MEI4: variants seen among roughly 807,000 people sequenced by gnomAD.
MEI4 encodes meiotic double-stranded break formation protein 4.
A neutral mutation model predicts 31.4 loss-of-function variants in MEI4; 27 were observed. The observed-to-expected ratio is 0.86, with a 90% CI of 0.63 to 1.19. MEI4 has a LOEUF of 1.19. Ranked by LOEUF, MEI4 falls within the 50% of genes most tolerant of loss-of-function variation. The pLI, the probability that MEI4 is intolerant of heterozygous loss-of-function variation, is 0.00. For synonymous variants in MEI4, 122 were observed against 145.4 expected (o/e 0.84, Z 1.16); for missense variants, 329 against 398.9 (o/e 0.82, Z 1.49).
chr6:77,761,413 C>T lies in MEI4; in HGVS notation c.516C>T (p.Asp172=). Residue 172 remains aspartate (D), a synonymous_variant, in exon 3 of 5, where the codon GAC becomes GAT. Coordinates refer to ENST00000684080, the MANE Select transcript of MEI4 (RefSeq NM_001322247.2). ...CAGAATCAGGTAATCTTAAAAGAGACTTAACCCACTTTGAAAAAGACTCTT... is the reference window on the plus strand; with the variant it reads ...CAGAATCAGGTAATCTTAAAAGAGATTTAACCCACTTTGAAAAAGACTCTT... ...NLTESGNLKR[D]LTHFEKDSST... is the part of the protein sequence containing the mutation. 8.1e-7 allele frequency: 1 copy of T among 1,232,142 alleles called. No individual in the cohort carries two copies. Among genetic ancestry groups the T allele is most frequent in the Non-Finnish European group, 1.0e-6 (1 of 987,920 alleles). 76.3% of individuals were successfully genotyped at this position (1,232,142 alleles called of 1,614,324 possible).
At chr6:77,810,685 A>G (rs1360967357) in intron 3 of MEI4, among the ~76,000 whole-genome samples, 3 of 152,194 alleles carry the variant, frequency 2.0e-5, no homozygotes, top group African/African-American at 7.2e-5. Flanking sequence ...GTTAAAGGAA[A>G]AATACATGTT....
chr6:77,778,716 A>AATAG (rs1768521824), intron 3 of MEI4, among the ~76,000 whole-genome samples: 1 of 150,866 alleles, frequency 6.6e-6, no homozygotes, highest in Non-Finnish European at 1.5e-5. Context: ...CAAATAAATA[A>AATAG]ATAAATAAAT....
chr6:77,844,719 G>C (rs1770440317), intron 4 of MEI4, among the ~76,000 whole-genome samples: 1 of 152,038 alleles, frequency 6.6e-6, no homozygotes. Context: ...GGCCTTACCT[G>C]AATCCATCCT....
chr6:77,840,189 T>G (rs1770325322), intron 4 of MEI4, among the ~76,000 whole-genome samples: 1 of 152,182 alleles, frequency 6.6e-6, no homozygotes, highest in Non-Finnish European at 1.5e-5. Flanking sequence ...AAGTAAACGT[T>G]AGAACTGAAA....
intron 2 of MEI4, among the ~76,000 whole-genome samples, chr6:77,752,554 A>C (rs1051469181): frequency 1.3e-5 from 2 of 152,228 alleles, no homozygotes; most frequent in African/African-American, 4.8e-5. Flanking sequence ...CTTACAAGGG[A>C]TGTGAAGGAT....
intron 2 of MEI4, among the ~76,000 whole-genome samples, chr6:77,726,732 A>C (rs1467119108): frequency 6.6e-6 from 1 of 152,150 alleles, no homozygotes; most frequent in Non-Finnish European, 1.5e-5. Flanking sequence ...CTAGGAGAAG[A>C]TAGGTGTATT....
At position 77,789,955 on chromosome 6, in the gene MEI4, C is replaced by T. The variant is rs575351326; in HGVS notation, c.768+28290C>T. Among the ~76,000 whole-genome samples, 63 of 152,108 alleles carry T rather than the reference C, an allele frequency of 4.1e-4. 1 individual carries two copies. The East Asian group carries it at 9.9e-3, about 24-fold the overall frequency. ...ATGCTGCTATAAAGACACATGCACACGTATGTTTATTGCGGCACTATTCAC... is the reference window on the plus strand; with the variant it reads ...ATGCTGCTATAAAGACACATGCACATGTATGTTTATTGCGGCACTATTCAC... On this transcript the variant is annotated intron_variant, in intron 3 of 4. Coordinates refer to ENST00000684080, the MANE Select transcript of MEI4 (RefSeq NM_001322247.2).
intron 3 of MEI4, among the ~76,000 whole-genome samples, chr6:77,783,099 G>A (rs773646961): frequency 1.4e-4 from 22 of 152,140 alleles, no homozygotes; most frequent in Non-Finnish European, 2.8e-4. Context: ...GGAAACAGAA[G>A]AATTGAGTTT....
In MEI4 at chr6:77,873,957, G is replaced by T. The variant is rs1771265010; in HGVS notation, c.900+44895G>T. 2.6e-5 allele frequency among the ~76,000 whole-genome samples: 4 copies of T among 152,124 alleles called. No individual in the cohort carries two copies. The South Asian group carries it at 8.3e-4, about 32-fold the overall frequency. ...TCTGAGGGCTCTGTTCTGTTCCATTGATCTATATCTCTGTTTTGGTGCCAG... is the reference window on the plus strand; with the variant it reads ...TCTGAGGGCTCTGTTCTGTTCCATTTATCTATATCTCTGTTTTGGTGCCAG... On this transcript the variant is annotated intron_variant, in intron 4 of 4. Coordinates refer to ENST00000684080, the MANE Select transcript of MEI4 (RefSeq NM_001322247.2).
At chr6:77,746,780 GAGAA>G (rs1317615130) in intron 2 of MEI4, among the ~76,000 whole-genome samples, 1 of 152,042 alleles carries the variant, frequency 6.6e-6, no homozygotes, top group Non-Finnish European at 1.5e-5. Flanking sequence ...GGGTAAAAGA[GAGAA>G]AGGAGCCAAG....
At chr6:77,902,016 A>C (rs1766197167) in intron 4 of MEI4, among the ~76,000 whole-genome samples, 1 of 152,038 alleles carries the variant, frequency 6.6e-6, no homozygotes, top group Non-Finnish European at 1.5e-5. Context: ...ATTGACCATA[A>C]ATTTGTGGAT....
chr6:77,827,151 G>A (rs1699593536), intron 3 of MEI4, among the ~76,000 whole-genome samples: 1 of 151,934 alleles, frequency 6.6e-6, no homozygotes, highest in African/African-American at 2.4e-5. Context: ...ACGAGGTTAG[G>A]AGATCAAGAC....
At chr6:77,745,605 C>G (rs1767575435) in intron 2 of MEI4, among the ~76,000 whole-genome samples, 1 of 152,166 alleles carries the variant, frequency 6.6e-6, no homozygotes, top group African/African-American at 2.4e-5. Flanking sequence ...GAACTCAGCT[C>G]TGCACCAAGC....
At chr6:77,853,396 G>A (rs1026917527) in intron 4 of MEI4, among the ~76,000 whole-genome samples, 26 of 152,248 alleles carry the variant, frequency 1.7e-4, no homozygotes, top group Non-Finnish European at 1.9e-4. Context: ...CTTGTCCAAG[G>A]TTGTTCATTT....
At chr6:77,755,353 C>G (rs946842392) in intron 2 of MEI4, among the ~76,000 whole-genome samples, 2 of 151,906 alleles carry the variant, frequency 1.3e-5, no homozygotes, top group African/African-American at 4.8e-5. Flanking sequence ...AATATAAAGT[C>G]TATGGGATCC....
chr6:77,726,515 G>A (rs970814555), intron 2 of MEI4, among the ~76,000 whole-genome samples: 3 of 152,126 alleles, frequency 2.0e-5, no homozygotes, highest in Non-Finnish European at 4.4e-5. Flanking sequence ...ATAAGCAGGG[G>A]TTTCTACAAC....
intron 1 of MEI4, among the ~76,000 whole-genome samples, chr6:77,671,157 A>G (rs915459093): frequency 9.9e-5 from 15 of 151,252 alleles, no homozygotes; most frequent in African/African-American, 3.6e-4. Context: ...TCCTGGTTCA[A>G]GCAATTCTCA....
intron 4 of MEI4, among the ~76,000 whole-genome samples, chr6:77,908,946 G>A (rs1330361370): frequency 3.3e-5 from 5 of 151,982 alleles, no homozygotes; most frequent in East Asian, 1.9e-4. Context: ...ACAGAACAAC[G>A]AGACAGAAAG....
intron 2 of MEI4, among the ~76,000 whole-genome samples, chr6:77,704,076 A>T (rs1275451592): frequency 6.6e-6 from 1 of 152,232 alleles, no homozygotes; most frequent in African/African-American, 2.4e-5. Context: ...ATGTAGAAGA[A>T]ATACAGAGCG....
Sources: allele counts gnomAD v4.1 joint callset (sites outside exome capture counted in the v4.1 genomes callset), GRCh38; gene constraint gnomAD v4.1.1; transcripts MANE v1.5; gene names NCBI Gene and HGNC (gene_info 2026-07-23, HGNC 2026-07-21).